PTPRN2: variants seen among roughly 807,000 people sequenced by gnomAD.
PTPRN2 encodes the protein receptor-type tyrosine-protein phosphatase N2.
PTPRN2 carries 74 observed loss-of-function variants against 118.8 expected under a neutral mutation model. That is an observed-to-expected ratio of 0.62 (90% CI 0.52 to 0.76). PTPRN2 has a LOEUF of 0.76. Ranked by LOEUF, PTPRN2 falls within the 30% of genes least tolerant of loss-of-function variation. The probability of loss-of-function intolerance (pLI) is 0.00; values close to 1 mark genes in which losing one functional copy is unlikely to be tolerated. For synonymous variants in PTPRN2, 641 were observed against 608.0 expected (o/e 1.05, Z -0.80); for missense variants, 1,481 against 1,394.4 (o/e 1.06, Z -0.99).
chr7:157,548,151 G>C (rs752597998), intron 22 of PTPRN2, among the ~76,000 whole-genome samples: 2 of 152,172 alleles, frequency 1.3e-5, no homozygotes, highest in Non-Finnish European at 2.9e-5. Context: ...GGGAGGTGGA[G>C]GTTGCAGTGA....
At chr7:158,033,612 T>C (rs377004867) in intron 11 of PTPRN2, among the ~76,000 whole-genome samples, 2 of 152,194 alleles carry the variant, frequency 1.3e-5, no homozygotes, top group South Asian at 4.1e-4. Flanking sequence ...TTAAAGCTTG[T>C]GGCCAATGGT....
rs1038343219 is a variant in PTPRN2, at chr7:157,590,045, T to C, written c.2496+5193A>G. On this transcript the variant is annotated intron_variant, in intron 17 of 22. Transcript: ENST00000389418. This position sits in a 1 kb window ranked among gnomAD's most constrained non-coding sequence, Gnocchi z 4.0. ...GTCAGCACCCTTTTTGAATTTATGATTGCAGAAGGAACATCATATTCCAGA... is the reference window on the plus strand; with the variant it reads ...GTCAGCACCCTTTTTGAATTTATGACTGCAGAAGGAACATCATATTCCAGA... Among the ~76,000 whole-genome samples the C allele has an allele frequency of 1.3e-5, 2 of 152,240 alleles. No individual in the cohort carries two copies. Among genetic ancestry groups the C allele is most frequent in the Admixed American group, 6.5e-5 (1 of 15,290 alleles).
At chr7:157,573,249 C>T (rs951604632) in intron 19 of PTPRN2, among the ~76,000 whole-genome samples, 28 of 152,358 alleles carry the variant, frequency 1.8e-4, no homozygotes, top group African/African-American at 5.8e-4. Flanking sequence ...TATGTGCACA[C>T]GTGTGCACGT....
chr7:158,261,271 C>T (rs1055687670), intron 3 of PTPRN2, among the ~76,000 whole-genome samples: 3 of 152,030 alleles, frequency 2.0e-5, no homozygotes, highest in Admixed American at 6.5e-5. Flanking sequence ...AAGAAGCTCC[C>T]GGAAAGATGG....
chr7:158,499,272 G>T (rs138662011), intron 1 of PTPRN2, among the ~76,000 whole-genome samples: 1 of 152,116 alleles, frequency 6.6e-6, no homozygotes, highest in Non-Finnish European at 1.5e-5. Context: ...GGCCTGGGAC[G>T]GAGCCAAAGA....
intron 6 of PTPRN2, among the ~76,000 whole-genome samples, chr7:158,162,284 G>C (rs980613671): frequency 1.3e-5 from 2 of 152,186 alleles, no homozygotes; most frequent in South Asian, 4.1e-4. Flanking sequence ...ACAAAAACCT[G>C]CATGAGGGTG....
intron 2 of PTPRN2, among the ~76,000 whole-genome samples, chr7:158,416,690 AACAG>A (rs1814681908): frequency 6.6e-6 from 1 of 152,226 alleles, no homozygotes; most frequent in African/African-American, 2.4e-5. Flanking sequence ...GGGGGCAGGA[AACAG>A]ACAGCCTGCT....
At chr7:157,895,427 G>C (rs1046870802) in intron 12 of PTPRN2, among the ~76,000 whole-genome samples, 1 of 152,132 alleles carries the variant, frequency 6.6e-6, no homozygotes, top group Non-Finnish European at 1.5e-5. Flanking sequence ...CATAAAATAA[G>C]CCAGAGGATC....
intron 4 of PTPRN2, among the ~76,000 whole-genome samples, chr7:158,201,029 A>G (rs1372958374): frequency 6.6e-6 from 1 of 151,344 alleles, no homozygotes; most frequent in Non-Finnish European, 1.5e-5. Context: ...CTTTTTAAAA[A>G]TCATGTTACA....
Position 157,813,266 on chromosome 7 carries a change from C to T in PTPRN2, c.1788+85407G>A, listed in dbSNP as rs753098324. On this transcript the variant is annotated intron_variant, in intron 12 of 22. Transcript: ENST00000389418. The surrounding 1 kb of genome is among the most constrained non-coding windows in gnomAD (Gnocchi z 4.7). ...GTGGTAAGCCCAGACCTTTGGGACCCCTCACCCTGCCCGGTCCTCCTGCTG... is the reference window on the plus strand; with the variant it reads ...GTGGTAAGCCCAGACCTTTGGGACCTCTCACCCTGCCCGGTCCTCCTGCTG... Among the ~76,000 whole-genome samples, 3 of 152,114 alleles carry T rather than the reference C, an allele frequency of 2.0e-5. No homozygotes were observed. Among genetic ancestry groups the T allele is most frequent in the Non-Finnish European group, 4.4e-5 (3 of 68,030 alleles).
At chr7:157,883,860 G>A (rs1269803792) in intron 12 of PTPRN2, among the ~76,000 whole-genome samples, 1 of 146,284 alleles carries the variant, frequency 6.8e-6, no homozygotes, top group Non-Finnish European at 1.5e-5. Flanking sequence ...CCCCAAAAAC[G>A]ACTGTCAGAA....
At chr7:157,637,039 C>T (rs892297902) in intron 14 of PTPRN2, among the ~76,000 whole-genome samples, 13 of 152,254 alleles carry the variant, frequency 8.5e-5, no homozygotes, top group Non-Finnish European at 1.8e-4. Flanking sequence ...ACAATATGAA[C>T]AAATGTATTT....
chr7:157,734,264 T>C (rs66841055), intron 12 of PTPRN2, among the ~76,000 whole-genome samples: 1,088 of 70,948 alleles, frequency 0.015, 46 homozygotes, highest in East Asian at 0.049. Context: ...CCGTCCCATG[T>C]GCCCAGTGCA....
intron 5 of PTPRN2, among the ~76,000 whole-genome samples, chr7:158,182,310 GAGACTTGTTTTGT>G (rs1462818458): frequency 1.3e-5 from 2 of 152,092 alleles, no homozygotes; most frequent in Non-Finnish European, 2.9e-5. Flanking sequence ...AAAATTTATT[GAGACTTGTTTTGT>G]AGCCTAGTAT....
chr7:158,581,450 G>A (rs1057034959), intron 1 of PTPRN2, among the ~76,000 whole-genome samples: 2 of 152,116 alleles, frequency 1.3e-5, no homozygotes, highest in East Asian at 1.9e-4. Flanking sequence ...GGAATGATCC[G>A]TACACTGACA....
chr7:158,012,275 A>T (rs1235854294), intron 11 of PTPRN2, among the ~76,000 whole-genome samples: 2 of 151,926 alleles, frequency 1.3e-5, no homozygotes, highest in African/African-American at 2.4e-5. Context: ...TGAAGGGGGA[A>T]CTGCCGGGGG....
intron 11 of PTPRN2, among the ~76,000 whole-genome samples, chr7:158,043,325 C>T (rs1021328139): frequency 1.3e-5 from 2 of 152,346 alleles, no homozygotes; most frequent in Middle Eastern, 3.4e-3. Flanking sequence ...TAACAACATT[C>T]TTACCTATTA....
chr7:158,157,462 A>G (rs962481399), intron 6 of PTPRN2, among the ~76,000 whole-genome samples: 1 of 152,372 alleles, frequency 6.6e-6, no homozygotes, highest in Admixed American at 6.5e-5. Flanking sequence ...GATTTCTCAC[A>G]TGGGGGCAGT....
At chr7:158,129,721 C>T (rs758725615) in intron 9 of PTPRN2, among the ~76,000 whole-genome samples, 1 of 152,214 alleles carries the variant, frequency 6.6e-6, no homozygotes. Context: ...CTGCGTCACC[C>T]AGTGCTGAGG....
Sources: gnomAD v4.1 joint callset for allele counts (sites outside exome capture counted in the v4.1 genomes callset) on GRCh38, gnomAD v4.1.1 for gene constraint, Gnocchi (gnomAD v3.1) non-coding constraint, MANE v1.5 for transcripts, NCBI Gene and HGNC (gene_info 2026-07-23, HGNC 2026-07-21) for gene names.